APPL2: variants seen among roughly 807,000 people sequenced by gnomAD.
APPL2 encodes the protein DCC-interacting protein 13-beta.
A neutral mutation model predicts 92.7 loss-of-function variants in APPL2; 84 were observed. That is an observed-to-expected ratio of 0.91 (90% CI 0.76 to 1.09). APPL2 has a LOEUF of 1.09. Ranked by LOEUF, APPL2 falls within the 50% of genes least tolerant of loss-of-function variation. The pLI is 0.00. For synonymous variants in APPL2, 291 were observed against 291.0 expected, an observed-to-expected ratio of 1.00 and a Z score of 0.00; for missense variants, 736 against 824.5, an observed-to-expected ratio of 0.89 and a Z score of 1.31.
intron 19 of APPL2, 193 bp downstream of exon 19, chr12:105,176,683 T>C (rs1184925344): frequency 2.7e-5 from 17 of 640,970 alleles, no homozygotes; most frequent in South Asian, 7.3e-5. Context: ...TTCTGGTTGA[T>C]AGGTATTTTC....
chr12:105,226,943 T>C (rs894748965), intron 2 of APPL2, among the ~76,000 whole-genome samples: 1 of 151,896 alleles, frequency 6.6e-6, no homozygotes, highest in Admixed American at 6.6e-5. Context: ...TAGGACCTTA[T>C]CTCTACCAAA....
At chr12:105,206,040 AC>A in intron 8 of APPL2, among the ~76,000 whole-genome samples, 1 of 152,356 alleles carries the variant, frequency 6.6e-6, no homozygotes, top group East Asian at 1.9e-4. Context: ...AACAAGGAAG[AC>A]AACTGAGCTT....
intron 17 of APPL2, among the ~76,000 whole-genome samples, chr12:105,186,681 C>CATATATATCATATATGAT (rs1886724830): frequency 2.2e-5 from 1 of 45,466 alleles, no homozygotes; most frequent in African/African-American, 8.5e-5. Context: ...TATGATATAT[C>CATATATATCATATATGAT]ATATATATAT....
intron 4 of APPL2, among the ~76,000 whole-genome samples, chr12:105,214,525 A>C (rs185172707): frequency 4.6e-5 from 7 of 152,390 alleles, no homozygotes; most frequent in Non-Finnish European, 8.8e-5. Context: ...TCTGAGAGAG[A>C]GCCACGCAGT....
At chr12:105,174,755 C>T (rs1034934119) in intron 20 of APPL2, among the ~76,000 whole-genome samples, 1 of 152,066 alleles carries the variant, frequency 6.6e-6, no homozygotes, top group African/African-American at 2.4e-5. Context: ...TCTTTTCTCA[C>T]GTTTAATCTA....
At chr12:105,210,321 C>T (rs989982522) in intron 5 of APPL2, among the ~76,000 whole-genome samples, 4 of 151,970 alleles carry the variant, frequency 2.6e-5, no homozygotes, top group South Asian at 2.1e-4. Flanking sequence ...CAACCCCCGC[C>T]GCAAAAAAAG....
chr12:105,211,229 C>A lies in APPL2; in HGVS notation c.373+1G>T. 1.9e-6 allele frequency: 3 copies of A among 1,607,532 alleles called. No homozygotes were observed. The highest frequency in any genetic ancestry group is 2.6e-6 in the Non-Finnish European group (3 of 1,174,142). ...ACTGGCATTGAACTCAGTTACTTTA[C>A]CTGTGAGATCCTTTTCTCGGAATTG... On this transcript the variant is annotated splice_donor_variant, in intron 5 of 20. Coordinates refer to ENST00000258530, the MANE Select transcript of APPL2 (RefSeq NM_018171.5). LOFTEE classifies it high-confidence loss of function.
At chr12:105,189,941 C>T (rs1485642990) in intron 15 of APPL2, 50 bp downstream of exon 15, 2 of 1,611,546 alleles carry the variant, frequency 1.2e-6, no homozygotes, top group South Asian at 1.1e-5. Context: ...ACACAAGATA[C>T]CTCAAATTTA....
In APPL2 at chr12:105,199,329, G is replaced by A. The variant is rs1592787664; in HGVS notation, c.863+44C>T. The A allele has an allele frequency of 7.5e-6, 12 of 1,592,342 alleles. No homozygotes were observed. In the East Asian group the frequency reaches 2.7e-4, roughly 36 times the overall value. ...AGATTGCTTTTCAGCCACCTCTTAG[G>A]GAAAACGGATTTCAGAAAAAGAGGC... On this transcript the variant is annotated intron_variant, in intron 10 of 20. Coordinates refer to ENST00000258530, the MANE Select transcript of APPL2 (RefSeq NM_018171.5).
intron 14 of APPL2, among the ~76,000 whole-genome samples, chr12:105,192,963 T>TCC (rs113436517): frequency 2.0e-5 from 3 of 151,144 alleles, no homozygotes; most frequent in African/African-American, 7.3e-5. Flanking sequence ...TCTGATTCTT[T>TCC]CCCCCCCCAC....
chr12:105,201,538 G>A lies in APPL2; in HGVS notation c.705-2007C>T, dbSNP rs182420004. Among the ~76,000 whole-genome samples, 10 of 152,096 alleles carry A rather than the reference G, an allele frequency of 6.6e-5. No homozygotes were observed. The East Asian group carries it at 1.4e-3, about 21-fold the overall frequency. ...CACGGGCACCAACGTGGCTTCTTGC[G>A]TACAACTCCAGGAGATTTTTAGTAG... On this transcript the variant is annotated intron_variant, in intron 9 of 20. Coordinates refer to ENST00000258530, the MANE Select transcript of APPL2 (RefSeq NM_018171.5).
intron 1 of APPL2, 95 bp from the exon 2 acceptor site, chr12:105,229,318 G>T: frequency 8.7e-7 from 1 of 1,147,190 alleles, no homozygotes; most frequent in Non-Finnish European, 1.2e-6. Flanking sequence ...GCAGAAACCA[G>T]AATGCGAGGA....
chr12:105,203,741 C>T lies in APPL2; in HGVS notation c.666G>A (p.Met222Ile). ...CTGCAACGGAGGATAAAAAGCTGTCCATACGTTTGGAAAACATCTCTGCTC... is the reference window on the plus strand; with the variant it reads ...CTGCAACGGAGGATAAAAAGCTGTCTATACGTTTGGAAAACATCTCTGCTC... ...KKGAEMFSKR[M>I]DSFLSSVADM... The change falls in exon 9 of 21, where the codon ATG becomes ATA. Residue 222 changes from methionine (M) to isoleucine (I), a missense_variant. Coordinates refer to ENST00000258530, the MANE Select transcript of APPL2 (RefSeq NM_018171.5). The T allele has an allele frequency of 1.2e-6, 2 of 1,614,208 alleles. No homozygotes were observed. Among genetic ancestry groups the T allele is most frequent in the South Asian group, 2.2e-5 (2 of 91,080 alleles).
In APPL2 at chr12:105,197,965, G is replaced by T. The variant is rs984480316; in HGVS notation, c.864-12C>A. 1 of 1,611,384 alleles carries T rather than the reference G, an allele frequency of 6.2e-7. No individual in the cohort carries two copies. The highest frequency in any genetic ancestry group is 1.3e-5 in the African/African-American group (1 of 74,732). On this transcript the variant is annotated splice_polypyrimidine_tract_variant and intron_variant, in intron 10 of 20. Coordinates refer to ENST00000258530, the MANE Select transcript of APPL2 (RefSeq NM_018171.5). ...CCAGCCCTGTTTTGCTGTGAGTTGT[G>T]TTTTAAAAAGCCCATTAGTACCAGA... is the stretch of plus-strand genomic sequence containing the variant.
At chr12:105,211,536 G>A (rs1465371405) in intron 4 of APPL2, among the ~76,000 whole-genome samples, 1 of 152,192 alleles carries the variant, frequency 6.6e-6, no homozygotes, top group African/African-American at 2.4e-5. Flanking sequence ...CACCAATGAA[G>A]CTTGCTAACA....
In APPL2 at chr12:105,207,121, C is replaced by A. The variant is rs551931048; in HGVS notation, c.561G>T (p.Ala187=). ...SSLQYYCALN[A]LQYRKQMAMM... ...TGGCCATTTGCTTTCTGTACTGCAGCGCGTTGAGGGCACAGTAGTACTGAA... is the reference window on the plus strand; with the variant it reads ...TGGCCATTTGCTTTCTGTACTGCAGAGCGTTGAGGGCACAGTAGTACTGAA... The change falls in exon 8 of 21, where the codon GCG becomes GCT. Residue 187 remains alanine (A), a synonymous_variant. Coordinates refer to ENST00000258530, the MANE Select transcript of APPL2 (RefSeq NM_018171.5). The A allele has an allele frequency of 6.2e-7, 1 of 1,614,186 alleles. No homozygotes were observed. Among genetic ancestry groups the A allele is most frequent in the Non-Finnish European group, 8.5e-7 (1 of 1,180,050 alleles).
At chr12:105,225,309 G>C (rs1890411521) in intron 2 of APPL2, among the ~76,000 whole-genome samples, 2 of 152,264 alleles carry the variant, frequency 1.3e-5, no homozygotes, top group South Asian at 4.1e-4. Context: ...CTGCCTGCCA[G>C]GAACATTATT....
At chr12:105,214,289 A>G (rs895572796) in intron 4 of APPL2, among the ~76,000 whole-genome samples, 1 of 152,252 alleles carries the variant, frequency 6.6e-6, no homozygotes, top group Non-Finnish European at 1.5e-5. Flanking sequence ...TTGTAAGTAA[A>G]TATTTTAAAC....
In APPL2 at chr12:105,235,945, G is replaced by A. The variant is rs903908629; in HGVS notation, c.54+14C>T. 8.9e-6 allele frequency: 11 copies of A among 1,242,246 alleles called. No homozygotes were observed. The African/African-American group carries it at 1.7e-4, about 19-fold the overall frequency. 77.0% of individuals were successfully genotyped at this position (1,242,246 alleles called of 1,614,324 possible). A position where few individuals can be genotyped will look rare whatever the true frequency, so the allele number is the denominator to read the frequency against. ...ACCCCTGCGGGCGAGGGGCACCGGA[G>A]CGGCGGGAGGTACCTGGGGGCTGTC... On this transcript the variant is annotated intron_variant, in intron 1 of 20. Coordinates refer to ENST00000258530, the MANE Select transcript of APPL2 (RefSeq NM_018171.5).
Sources: allele counts gnomAD v4.1 joint callset (sites outside exome capture counted in the v4.1 genomes callset), GRCh38; gene constraint gnomAD v4.1.1; transcripts MANE v1.5; gene names NCBI Gene and HGNC (gene_info 2026-07-23, HGNC 2026-07-21).